ZFHX3: variants seen among roughly 807,000 people sequenced by gnomAD.
ZFHX3 encodes the protein zinc finger homeobox 3.
ZFHX3 carries 42 observed loss-of-function variants against 279.1 expected under a neutral mutation model. That is an observed-to-expected ratio of 0.15 (90% CI 0.12 to 0.19). The LOEUF is 0.19. Ranked by LOEUF, ZFHX3 falls within the 10% of genes least tolerant of loss-of-function variation. ZFHX3 has a pLI of 1.00. For missense variants in ZFHX3, 4,981 were observed against 4,754.0 expected (o/e 1.05, Z -1.40); for synonymous variants, 2,293 against 1,957.8 (o/e 1.17, Z -4.52).
At chr16:72,994,008 C>T (rs936805898) in intron 1 of ZFHX3, among the ~76,000 whole-genome samples, 2 of 152,248 alleles carry the variant, frequency 1.3e-5, no homozygotes, top group South Asian at 2.1e-4. Context: ...CCAGCCCCGA[C>T]GACAGATTTC....
At chr16:72,997,615 T>C (rs1003147122) in intron 1 of ZFHX3, among the ~76,000 whole-genome samples, 2 of 152,210 alleles carry the variant, frequency 1.3e-5, no homozygotes, top group Non-Finnish European at 2.9e-5. Flanking sequence ...CCCAGACTTA[T>C]TCACAGCACT....
chr16:73,880,083 G>A (rs1330329312), intron 1 of ZFHX3, among the ~76,000 whole-genome samples: 1 of 152,144 alleles, frequency 6.6e-6, no homozygotes, highest in East Asian at 1.9e-4. Context: ...CATTCTACAC[G>A]TTCCATTACT....
intron 2 of ZFHX3, among the ~76,000 whole-genome samples, chr16:73,554,076 C>G (rs533693340): frequency 1.3e-5 from 2 of 152,120 alleles, no homozygotes. Flanking sequence ...TAAATTTTTT[C>G]TTTTCTTCGT....
Position 72,957,913 on chromosome 16 carries a change from T to C in ZFHX3, c.2233A>G (p.Met745Val), listed in dbSNP as rs745363360. 4 of 1,614,212 alleles carry C rather than the reference T, an allele frequency of 2.5e-6. No homozygotes were observed. The highest frequency in any genetic ancestry group is 1.7e-5 in the Admixed American group (1 of 60,028). ...TTGTTGAGATGCTTGTCAGACTGCA[T>C]ATGAATACTGAGGTTGCCTTTGGTA... is the stretch of plus-strand genomic sequence containing the variant. Reference protein sequence around the residue: ...TTTKGNLSIHMQSDKHLNNMQ... With the variant: ...TTTKGNLSIHVQSDKHLNNMQ... Residue 745 changes from methionine to valine, a missense_variant, in exon 2 of 10, where the codon ATG becomes GTG. Coordinates refer to ENST00000268489, the MANE Select transcript of ZFHX3 (RefSeq NM_006885.4).
At chr16:73,279,749 C>T (rs1440570695) in intron 4 of ZFHX3, among the ~76,000 whole-genome samples, 1 of 152,122 alleles carries the variant, frequency 6.6e-6, no homozygotes, top group South Asian at 2.1e-4. Flanking sequence ...GCTTGAAGGA[C>T]GTTGCACAGA....
At chr16:72,821,171 ACTGGCCTTCC>A (rs1472845202) in intron 5 of ZFHX3, among the ~76,000 whole-genome samples, 4 of 152,118 alleles carry the variant, frequency 2.6e-5, no homozygotes, top group Non-Finnish European at 4.4e-5. Flanking sequence ...AACCTTACAA[ACTGGCCTTCC>A]CTCATGATCC....
At chr16:73,394,441 G>A (rs911318972) in intron 3 of ZFHX3, among the ~76,000 whole-genome samples, 4 of 151,812 alleles carry the variant, frequency 2.6e-5, no homozygotes, top group Admixed American at 2.6e-4. Context: ...GATTACAGGT[G>A]CCCCCTACCA....
intron 3 of ZFHX3, among the ~76,000 whole-genome samples, chr16:72,932,590 G>A (rs1015383274): frequency 4.1e-5 from 6 of 146,992 alleles, no homozygotes; most frequent in Non-Finnish European, 8.9e-5. Flanking sequence ...CTGGCTCAAG[G>A]TCATTTCACT....
chr16:73,143,703 C>T (rs1597179967), intron 6 of ZFHX3: 1 of 1,266,952 alleles, frequency 7.9e-7, no homozygotes, highest in Non-Finnish European at 1.0e-6. Flanking sequence ...CGTTAACTCA[C>T]CTGGTATAAC....
intron 1 of ZFHX3, among the ~76,000 whole-genome samples, chr16:73,711,187 T>C (rs1284151359): frequency 6.6e-6 from 1 of 152,162 alleles, no homozygotes; most frequent in Non-Finnish European, 1.5e-5. Flanking sequence ...CTCTGTCTGA[T>C]ATTTATGTAT....
intron 4 of ZFHX3, among the ~76,000 whole-genome samples, chr16:73,289,814 C>A (rs1389975612): frequency 6.6e-6 from 1 of 152,094 alleles, no homozygotes; most frequent in Non-Finnish European, 1.5e-5. Context: ...AACCAGGAAT[C>A]CAGGAGGGAG....
chr16:73,621,885 C>T (rs2052367277), intron 2 of ZFHX3, among the ~76,000 whole-genome samples: 1 of 152,104 alleles, frequency 6.6e-6, no homozygotes, highest in Non-Finnish European at 1.5e-5. Context: ...CAGCACAAGA[C>T]AGGAGGATAT....
intron 2 of ZFHX3, among the ~76,000 whole-genome samples, chr16:73,599,071 A>T (rs573994121): frequency 6.6e-6 from 1 of 152,152 alleles, no homozygotes; most frequent in East Asian, 1.9e-4. Context: ...TTTGAATACT[A>T]TCTTAAAGAG....
At chr16:73,615,110 C>T (rs2052286483) in intron 2 of ZFHX3, among the ~76,000 whole-genome samples, 2 of 150,076 alleles carry the variant, frequency 1.3e-5, no homozygotes, top group East Asian at 3.9e-4. Flanking sequence ...ACAAATTTCA[C>T]TAAACAACAT....
intron 1 of ZFHX3, among the ~76,000 whole-genome samples, chr16:73,883,805 T>C (rs1392077141): frequency 6.6e-6 from 1 of 151,982 alleles, no homozygotes; most frequent in African/African-American, 2.4e-5. Flanking sequence ...AAGGATGAGG[T>C]GGTCAAGTCA....
intron 1 of ZFHX3, among the ~76,000 whole-genome samples, chr16:73,857,205 G>C (rs1961755631): frequency 1.3e-5 from 2 of 152,176 alleles, no homozygotes; most frequent in Non-Finnish European, 2.9e-5. Flanking sequence ...TCAGCTTAGA[G>C]TTTAATTCTA....
At chr16:73,866,835 G>T (rs771481602) in intron 1 of ZFHX3, among the ~76,000 whole-genome samples, 1 of 152,170 alleles carries the variant, frequency 6.6e-6, no homozygotes, top group Non-Finnish European at 1.5e-5. Flanking sequence ...ACAGCTACGG[G>T]CATCTAGTGC....
chr16:73,509,743 T>C (rs825834), intron 2 of ZFHX3, among the ~76,000 whole-genome samples: 14,748 of 145,222 alleles, frequency 0.1, 1,369 homozygotes, highest in East Asian at 0.45. Flanking sequence ...TTGCCCAGGC[T>C]GGAGTGCAGT....
chr16:72,902,982 T>C (rs992722114), intron 3 of ZFHX3, among the ~76,000 whole-genome samples: 1 of 152,102 alleles, frequency 6.6e-6, no homozygotes, highest in Non-Finnish European at 1.5e-5. Flanking sequence ...TCCTTCCAGA[T>C]GAGGATGTGG....
Sources: allele counts gnomAD v4.1 joint callset (sites outside exome capture counted in the v4.1 genomes callset), GRCh38; gene constraint gnomAD v4.1.1; transcripts MANE v1.5; gene names NCBI Gene and HGNC (gene_info 2026-07-23, HGNC 2026-07-21).